The following HAO1 variants were observed in gnomAD, a reference collection of about 807,000 sequenced individuals.
HAO1 encodes the protein 2-Hydroxyacid oxidase 1.
A neutral mutation model predicts 39.7 loss-of-function variants in HAO1; 34 were observed. The ratio of observed to expected loss-of-function variants is 0.86; its 90% confidence interval spans 0.65 to 1.14. HAO1 has a LOEUF of 1.14. Among genes scored for constraint, HAO1 ranks in the 50% most tolerant of loss-of-function variants. The pLI, the probability that HAO1 is intolerant of heterozygous loss-of-function variation, is 0.00. For synonymous variants in HAO1, 172 were observed against 173.2 expected, an observed-to-expected ratio of 0.99 and a Z score of 0.05; for missense variants, 479 against 464.5, an observed-to-expected ratio of 1.03 and a Z score of -0.29.
At chr20:7,913,703 T>C (rs2050291774) in intron 3 of HAO1, among the ~76,000 whole-genome samples, 2 of 152,230 alleles carry the variant, frequency 1.3e-5, no homozygotes, top group Admixed American at 1.3e-4. Flanking sequence ...GTGAAAGGAA[T>C]ATTGCTGAAA....
intron 1 of HAO1, among the ~76,000 whole-genome samples, chr20:7,935,763 C>A (rs1884768201): frequency 6.6e-6 from 1 of 152,116 alleles, no homozygotes; most frequent in Non-Finnish European, 1.5e-5. Flanking sequence ...GTTCTCTTTC[C>A]TCCTGGCAAA....
chr20:7,913,779 ATCT>A (rs2050292314), intron 3 of HAO1, among the ~76,000 whole-genome samples: 1 of 152,186 alleles, frequency 6.6e-6, no homozygotes, highest in African/African-American at 2.4e-5. Flanking sequence ...TCTTTCTTCA[ATCT>A]TCTTAGCCTT....
chr20:7,887,163 G>A (rs531524492), intron 5 of HAO1, among the ~76,000 whole-genome samples: 31 of 152,298 alleles, frequency 2.0e-4, no homozygotes, highest in African/African-American at 2.6e-4. Flanking sequence ...CTACTTTGAT[G>A]TGAATCTGCA....
intron 4 of HAO1, among the ~76,000 whole-genome samples, chr20:7,903,219 A>T (rs1376448310): frequency 6.6e-6 from 1 of 152,158 alleles, no homozygotes; most frequent in African/African-American, 2.4e-5. Flanking sequence ...ACAGAAAAGT[A>T]GACGATGTAA....
chr20:7,892,668 T>C (rs1600106252), intron 5 of HAO1, among the ~76,000 whole-genome samples: 1 of 152,148 alleles, frequency 6.6e-6, no homozygotes, highest in East Asian at 1.9e-4. Context: ...ACTGAAGGGT[T>C]CCGATAAAAG....
intron 2 of HAO1, among the ~76,000 whole-genome samples, chr20:7,914,652 G>A (rs2050298083): frequency 6.6e-6 from 1 of 152,078 alleles, no homozygotes. Flanking sequence ...CCAATGATTA[G>A]AAATATACAT....
At chr20:7,910,152 A>G (rs2050271528) in intron 3 of HAO1, among the ~76,000 whole-genome samples, 10 of 152,220 alleles carry the variant, frequency 6.6e-5, no homozygotes, top group Admixed American at 6.5e-4. Flanking sequence ...AAATAAATAA[A>G]ACAGTTAAGA....
At chr20:7,889,565 T>A (rs1480581523) in intron 5 of HAO1, among the ~76,000 whole-genome samples, 2 of 152,160 alleles carry the variant, frequency 1.3e-5, no homozygotes, top group Non-Finnish European at 2.9e-5. Flanking sequence ...TTTTCTGGGG[T>A]GTAGCAGAGG....
chr20:7,892,092 T>C (rs1189163616), intron 5 of HAO1, among the ~76,000 whole-genome samples: 3 of 152,104 alleles, frequency 2.0e-5, no homozygotes, highest in Non-Finnish European at 2.9e-5. Context: ...TGTTTGTTTG[T>C]TTTGTTTTTT....
intron 3 of HAO1, among the ~76,000 whole-genome samples, chr20:7,912,262 G>T (rs765080033): frequency 6.6e-6 from 1 of 152,148 alleles, no homozygotes; most frequent in African/African-American, 2.4e-5. Flanking sequence ...CAACCTTCCT[G>T]CCACTCACTG....
intron 5 of HAO1, among the ~76,000 whole-genome samples, chr20:7,894,141 C>T (rs1220798381): frequency 6.6e-6 from 1 of 152,156 alleles, no homozygotes. Context: ...CCAACGGCCC[C>T]CGGCCCCCAT....
At chr20:7,902,975 G>A (rs1327269724) in intron 4 of HAO1, among the ~76,000 whole-genome samples, 1 of 152,186 alleles carries the variant, frequency 6.6e-6, no homozygotes, top group African/African-American at 2.4e-5. Flanking sequence ...ATGATTTCAT[G>A]TTCCTGAAAA....
chr20:7,926,448 C>T (rs1568519264), intron 2 of HAO1, among the ~76,000 whole-genome samples: 1 of 152,148 alleles, frequency 6.6e-6, no homozygotes, highest in Admixed American at 6.5e-5. Context: ...AAACATATAT[C>T]TAGTCGGTCG....
intron 1 of HAO1, among the ~76,000 whole-genome samples, chr20:7,936,544 G>GTGTC (rs2050411704): frequency 6.8e-6 from 1 of 145,998 alleles, no homozygotes; most frequent in African/African-American, 2.6e-5. Context: ...GTGTGTGTGT[G>GTGTC]TGTTCGCGCG....
intron 1 of HAO1, among the ~76,000 whole-genome samples, chr20:7,938,675 A>T (rs148731551): frequency 6.6e-6 from 1 of 152,010 alleles, no homozygotes; most frequent in East Asian, 1.9e-4. Flanking sequence ...TGAGACCTCC[A>T]CTTGGCCAAC....
Position 7,914,362 on chromosome 20 carries a change from T to A in HAO1, c.347A>T (p.Glu116Val). 1 of 1,613,958 alleles carries A rather than the reference T, an allele frequency of 6.2e-7. No homozygotes were observed. The highest frequency in any genetic ancestry group is 2.2e-5 in the East Asian group (1 of 44,792). The part of the protein sequence containing the change: ...MLSSWATSSI[E>V]EVAEAGPEAL... ...CTCAGGACCAGCTTCCGCCACTTCT[T>A]CAATTGAGGAGGTGGCCCAGGAACT... Residue 116 changes from glutamate to valine, a missense_variant, in exon 3 of 8, where the codon GAA (glutamate) becomes GTA (valine). Physicochemically the swap from Glu to Val is moderately radical, Grantham distance 121. Transcript: ENST00000378789.
Position 7,903,063 on chromosome 20 carries a change from A to G in HAO1, c.721+3091T>C, listed in dbSNP as rs1030210385. Among the ~76,000 whole-genome samples, 5 of 152,346 alleles carry G rather than the reference A, an allele frequency of 3.3e-5. No homozygotes were observed. The East Asian group carries it at 9.6e-4, about 29-fold the overall frequency. On this transcript the variant is annotated intron_variant, in intron 4 of 7. Transcript: ENST00000378789. ...AGTCAATCCATGTGATTTCTGCATG[A>G]GGACCTGTGAAATGGAGAAAATTGG...
intron 4 of HAO1, among the ~76,000 whole-genome samples, chr20:7,897,050 C>G (rs908610051): frequency 1.3e-4 from 20 of 152,244 alleles, no homozygotes; most frequent in African/African-American, 4.1e-4. Flanking sequence ...TTACAGACCA[C>G]CTAAATAGCT....
At chr20:7,909,196 GA>G (rs1568514465) in intron 3 of HAO1, among the ~76,000 whole-genome samples, 2 of 151,680 alleles carry the variant, frequency 1.3e-5, no homozygotes. Flanking sequence ...TTGCCTTACA[GA>G]AATTTCAGTG....
Sources: allele counts gnomAD v4.1 joint callset (sites outside exome capture counted in the v4.1 genomes callset), GRCh38; gene constraint gnomAD v4.1.1; transcripts MANE v1.5; gene names NCBI Gene and HGNC (gene_info 2026-07-23, HGNC 2026-07-21).